GPR37: variants seen among roughly 807,000 people sequenced by gnomAD.
GPR37 encodes the protein G protein-coupled receptor 37, also known as prosaposin receptor GPR37.
In GPR37, 20 loss-of-function variants were observed where a neutral mutation model predicts 43.6. That is an observed-to-expected ratio of 0.46 (90% CI 0.32 to 0.67). The LOEUF (loss-of-function observed/expected upper bound fraction) is 0.67. Ranked by LOEUF, GPR37 falls within the 30% of genes least tolerant of loss-of-function variation. The probability of loss-of-function intolerance (pLI) is 0.03; values close to 1 mark genes in which losing one functional copy is unlikely to be tolerated. For missense variants in GPR37, 724 were observed against 797.2 expected (o/e 0.91, Z 1.11); for synonymous variants, 315 against 322.6 (o/e 0.98, Z 0.25).
rs1459776630 is a variant in GPR37 at position 124,764,645 on chromosome 7, C to T, written c.332G>A (p.Gly111Glu). 1.3e-6 allele frequency: 2 copies of T among 1,584,442 alleles called. No individual in the cohort carries two copies. The highest frequency in any genetic ancestry group is 1.7e-6 in the Non-Finnish European group (2 of 1,165,176). The change falls in exon 1 of 2, where the codon GGA becomes GAA. Residue 111 changes from glycine to glutamate, a missense_variant. Gly to Glu is a moderately conservative substitution (Grantham distance 98). Transcript: ENST00000303921. The surrounding 1 kb of genome is among the most constrained non-coding windows in gnomAD (Gnocchi z 5.4). ...GGGGCCAGGTGGCCTGGTTGGAGGT[C>T]CCGGGGGTCCGGCTGCCGACGCCTC... ...GAEASAAGPP[G>E]PPTRPPGPWR...
chr7:124,760,579 A>T (rs1793840035), intron 1 of GPR37, among the ~76,000 whole-genome samples: 1 of 152,194 alleles, frequency 6.6e-6, no homozygotes, highest in Non-Finnish European at 1.5e-5. Flanking sequence ...ATAACAAATG[A>T]TGTTTACGGG....
chr7:124,745,181 A>C lies in GPR37; in HGVS notation c.*1344T>G, dbSNP rs1793656480. 6.6e-6 allele frequency among the ~76,000 whole-genome samples: 1 copy of C among 152,220 alleles called. No individual in the cohort carries two copies. Among genetic ancestry groups the C allele is most frequent in the Non-Finnish European group, 1.5e-5 (1 of 68,044 alleles). ...GACTTACTTATGCCGAGTAGAACAGAAATCAACAAGCAGAAACTACGTTTT... is the reference window on the plus strand; with the variant it reads ...GACTTACTTATGCCGAGTAGAACAGCAATCAACAAGCAGAAACTACGTTTT... On this transcript the variant is annotated 3_prime_UTR_variant, in exon 2 of 2. Transcript: ENST00000303921.
At position 124,764,841 on chromosome 7, in the gene GPR37, G is replaced by C. The variant is rs1562961203; in HGVS notation, c.136C>G (p.Pro46Ala). Residue 46 changes from proline (P) to alanine (A), a missense_variant, in exon 1 of 2, where the codon CCT (proline) becomes GCT (alanine). By Grantham distance (27) the Pro-to-Ala change is conservative. Transcript: ENST00000303921. This position sits in a 1 kb window ranked among gnomAD's most constrained non-coding sequence, Gnocchi z 5.4. The stretch of plus-strand genomic sequence containing the variant: ...CTGCCGCGGCGCTGGATCACTGTAG[G>C]TGCACAGCTCTCCCCCAGACAAGTT... ...NETCLGESCA[P>A]TVIQRRGRDA... is the part of the protein sequence containing the mutation. 6.2e-7 allele frequency: 1 copy of C among 1,613,650 alleles called. No individual in the cohort carries two copies. Among genetic ancestry groups the C allele is most frequent in the Non-Finnish European group, 8.5e-7 (1 of 1,179,998 alleles).
Position 124,746,882 on chromosome 7 carries a change from C to T in GPR37, c.1485G>A (p.Val495=), listed in dbSNP as rs1218091647. ...QLESQMNCTV[V]ALTILYGFCI... ...AAAATCCATATAAAATGGTCAGTGC[C>T]ACTACTGTACAGTTCATCTGACTCT... Residue 495 remains valine (V), a synonymous_variant, in exon 2 of 2, where the codon GTG becomes GTA. Coordinates refer to ENST00000303921, the MANE Select transcript of GPR37 (RefSeq NM_005302.5). 1 of 1,614,002 alleles carries T rather than the reference C, an allele frequency of 6.2e-7. No homozygotes were observed. Among genetic ancestry groups the T allele is most frequent in the African/African-American group, 1.3e-5 (1 of 75,014 alleles).
chr7:124,757,591 G>C (rs1793805326), intron 1 of GPR37, among the ~76,000 whole-genome samples: 1 of 152,178 alleles, frequency 6.6e-6, no homozygotes, highest in African/African-American at 2.4e-5. Flanking sequence ...AAAAGAATTA[G>C]AGGGAGCACA....
Position 124,746,644 on chromosome 7 carries a change from A to C in GPR37, c.1723T>G (p.Ser575Ala). The part of the protein sequence containing the change: ...CCCCEECIQK[S>A]STVTSDDNDN... ...TTGTCATCACTGGTCACCGTTGAAG[A>C]CTTCTGAATGCATTCCTCACAGCAA... is the stretch of plus-strand genomic sequence containing the variant. Residue 575 changes from serine to alanine, a missense_variant, in exon 2 of 2, where the codon TCT becomes GCT. By Grantham distance (99) the Ser-to-Ala change is moderately conservative. Coordinates refer to ENST00000303921, the MANE Select transcript of GPR37 (RefSeq NM_005302.5). 1 of 1,613,886 alleles carries C rather than the reference A, an allele frequency of 6.2e-7. No individual in the cohort carries two copies. The highest frequency in any genetic ancestry group is 8.5e-7 in the Non-Finnish European group (1 of 1,179,850).
intron 1 of GPR37, among the ~76,000 whole-genome samples, chr7:124,760,670 T>C (rs952033189): frequency 2.0e-5 from 3 of 152,130 alleles, no homozygotes; most frequent in African/African-American, 7.2e-5. Context: ...AAGAAAACAC[T>C]CACTGGATAA....
At chr7:124,754,597 T>C (rs566769682) in intron 1 of GPR37, among the ~76,000 whole-genome samples, 50 of 152,282 alleles carry the variant, frequency 3.3e-4, no homozygotes, top group African/African-American at 1.1e-3. Context: ...CTGGTTTTTA[T>C]AAAATAGGAA....
chr7:124,750,387 T>C (rs1303086198), intron 1 of GPR37, among the ~76,000 whole-genome samples: 1 of 152,148 alleles, frequency 6.6e-6, no homozygotes. Context: ...CCAAAGTTTA[T>C]GCTATACATC....
chr7:124,746,419 ATTGT>A lies in GPR37; in HGVS notation c.*102_*105del, dbSNP rs112508560. On this transcript the variant is annotated 3_prime_UTR_variant, in exon 2 of 2. Coordinates refer to ENST00000303921, the MANE Select transcript of GPR37 (RefSeq NM_005302.5). ...TACAGTAGTTAATATTTCTTTCTTT[ATTGT>A]TTCTTTTTTGCATTTTTCCCTATAA... 1.1e-3 allele frequency: 912 copies of A among 814,362 alleles called. 8 individuals carry two copies. The African/African-American group carries it at 0.013, about 12-fold the overall frequency. 50.4% of individuals were successfully genotyped at this position (814,362 alleles called of 1,614,324 possible). A position where few individuals can be genotyped will look rare whatever the true frequency, so the allele number is the denominator to read the frequency against.
rs753015455 is a variant in GPR37, at chr7:124,747,284, A to C, written c.1083T>G (p.Arg361=). ...TLCALCIDRF[R]AATNVQMYYE... is the part of the protein sequence containing the mutation. Reference sequence around the variant, plus strand: ...AGTACATCTGTACGTTGGTGGCAGCACGGAAGCGGTCTATGCACAGAGCAC... The same window carrying C: ...AGTACATCTGTACGTTGGTGGCAGCCCGGAAGCGGTCTATGCACAGAGCAC... The change falls in exon 2 of 2, where the codon CGT becomes CGG. Residue 361 remains arginine, a synonymous_variant. Transcript: ENST00000303921. 2 of 1,613,750 alleles carry C rather than the reference A, an allele frequency of 1.2e-6. No individual in the cohort carries two copies. Among genetic ancestry groups the C allele is most frequent in the African/African-American group, 2.7e-5 (2 of 74,886 alleles).
intron 1 of GPR37, among the ~76,000 whole-genome samples, chr7:124,759,862 A>C (rs1294232208): frequency 6.6e-6 from 1 of 152,210 alleles, no homozygotes; most frequent in Admixed American, 6.5e-5. Context: ...GTTGAATGAA[A>C]ATTAGAAAAA....
chr7:124,744,669 C>G lies in GPR37; in HGVS notation c.*1856G>C, dbSNP rs908108289. ...CTTCACATCTTCCTGAGGCACCTAA[C>G]AAGCCCCAGCTTATATCATAGTTGT... On this transcript the variant is annotated 3_prime_UTR_variant, in exon 2 of 2. Coordinates refer to ENST00000303921, the MANE Select transcript of GPR37 (RefSeq NM_005302.5). 3.9e-5 allele frequency: 6 copies of G among 152,252 alleles called. No homozygotes were observed. Among genetic ancestry groups the G allele is most frequent in the Non-Finnish European group, 8.8e-5 (6 of 68,094 alleles). 9.4% of individuals were successfully genotyped at this position (152,252 alleles called of 1,614,324 possible). A position where few individuals can be genotyped will look rare whatever the true frequency, so the allele number is the denominator to read the frequency against.
At position 124,764,257 on chromosome 7, in the gene GPR37, G is replaced by A. The variant is rs1793885329; in HGVS notation, c.720C>T (p.Ser240=). ...HEPGGPRRGN[S]TNRRVRLKNP... is the part of the protein sequence containing the mutation. ...TCTTCAGTCTCACACGCCGGTTCGT[G>A]CTGTTTCCCCGGCGGGGACCCCCAG... Residue 240 remains serine, a synonymous_variant, in exon 1 of 2, where the codon AGC becomes AGT. Coordinates refer to ENST00000303921, the MANE Select transcript of GPR37 (RefSeq NM_005302.5). The surrounding 1 kb of genome is among the most constrained non-coding windows in gnomAD (Gnocchi z 5.4). 6.3e-7 allele frequency: 1 copy of A among 1,598,794 alleles called. No individual in the cohort carries two copies. Among genetic ancestry groups the A allele is most frequent in the Non-Finnish European group, 8.5e-7 (1 of 1,172,650 alleles).
In GPR37 at chr7:124,746,911, G is replaced by A. The variant is rs558805868; in HGVS notation, c.1456C>T (p.Leu486=). The change falls in exon 2 of 2, where the codon CTA becomes TTA. Residue 486 remains leucine (L), a synonymous_variant. Transcript: ENST00000303921. ...CTRGNKRQIQ[L]ESQMNCTVVA... Reference sequence around the variant, plus strand: ...ACTGTACAGTTCATCTGACTCTCTAGTTGAATCTGCCGTTTATTCCCTCGG... The same window carrying A: ...ACTGTACAGTTCATCTGACTCTCTAATTGAATCTGCCGTTTATTCCCTCGG... The A allele has an allele frequency of 1.9e-6, 3 of 1,614,096 alleles. No individual in the cohort carries two copies. The highest frequency in any genetic ancestry group is 2.5e-6 in the Non-Finnish European group (3 of 1,179,966).
At chr7:124,756,772 AT>A (rs1024061783) in intron 1 of GPR37, among the ~76,000 whole-genome samples, 2 of 152,158 alleles carry the variant, frequency 1.3e-5, no homozygotes, top group African/African-American at 4.8e-5. Context: ...CTCTCCCACA[AT>A]CTACATCCCA....
rs554170787 is a variant in GPR37, at chr7:124,745,823, T to C, written c.*702A>G. 6.6e-5 allele frequency among the ~76,000 whole-genome samples: 10 copies of C among 152,222 alleles called. No individual in the cohort carries two copies. Among genetic ancestry groups the C allele is most frequent in the Non-Finnish European group, 1.5e-4 (10 of 68,028 alleles). On this transcript the variant is annotated 3_prime_UTR_variant, in exon 2 of 2. Transcript: ENST00000303921. ...GTATTCAGAAGTAATTTGACATCTA[T>C]ACCTGAATATTAAAAATACAGCTTT...
chr7:124,760,141 G>A (rs943557902), intron 1 of GPR37, among the ~76,000 whole-genome samples: 1 of 152,084 alleles, frequency 6.6e-6, no homozygotes, highest in Non-Finnish European at 1.5e-5. Context: ...CTGGAAAATG[G>A]TGAATGCTAC....
chr7:124,745,942 G>A lies in GPR37; in HGVS notation c.*583C>T, dbSNP rs1412525189. ...AACATAATGATTACCTGCCTTAAAA[G>A]AAAATACGTTATAAAACAGTAAGGC... On this transcript the variant is annotated 3_prime_UTR_variant, in exon 2 of 2. Coordinates refer to ENST00000303921, the MANE Select transcript of GPR37 (RefSeq NM_005302.5). The A allele has an allele frequency of 6.6e-6, 1 of 152,038 alleles. No homozygotes were observed. The highest frequency in any genetic ancestry group is 1.5e-5 in the Non-Finnish European group (1 of 67,976). 9.4% of individuals were successfully genotyped at this position (152,038 alleles called of 1,614,324 possible).
Sources: gnomAD v4.1 joint callset for allele counts (sites outside exome capture counted in the v4.1 genomes callset) on GRCh38, gnomAD v4.1.1 for gene constraint, Gnocchi (gnomAD v3.1) non-coding constraint, MANE v1.5 for transcripts, NCBI Gene and HGNC (gene_info 2026-07-23, HGNC 2026-07-21) for gene names.